SLC37A3: variants seen among roughly 807,000 people sequenced by gnomAD.
The protein encoded by SLC37A3 is sugar phosphate exchanger 3.
In SLC37A3, 51 loss-of-function variants were observed where a neutral mutation model predicts 67.1. The ratio of observed to expected loss-of-function variants is 0.76; its 90% CI spans 0.61 to 0.96. The LOEUF is 0.96. Among genes scored for constraint, SLC37A3 ranks in the 40% least tolerant of loss-of-function variants. SLC37A3 has a pLI of 0.00. For synonymous variants in SLC37A3, 214 were observed against 231.4 expected (o/e 0.92, Z 0.68); for missense variants, 508 against 603.0 (o/e 0.84, Z 1.65).
intron 6 of SLC37A3, among the ~76,000 whole-genome samples, chr7:140,358,016 C>A (rs1797104534): frequency 6.6e-6 from 1 of 151,920 alleles, no homozygotes; most frequent in African/African-American, 2.4e-5. Flanking sequence ...GCGAAGGTTG[C>A]AGTGAGCCGA....
Position 140,359,388 on chromosome 7 carries a change from T to A in SLC37A3, c.376-603A>T, listed in dbSNP as rs373735624. ...ATTCCTCATTTTACATGTATTTCCATCTCCTCACCCTCAGACTGTGCATGT... is the reference window on the plus strand; with the variant it reads ...ATTCCTCATTTTACATGTATTTCCAACTCCTCACCCTCAGACTGTGCATGT... On this transcript the variant is annotated intron_variant, in intron 5 of 14. Coordinates refer to ENST00000326232, the MANE Select transcript of SLC37A3 (RefSeq NM_207113.3). Among the ~76,000 whole-genome samples the A allele has an allele frequency of 2.0e-5, 3 of 151,010 alleles. No homozygotes were observed. The East Asian group carries it at 5.8e-4, about 29-fold the overall frequency.
Position 140,345,990 on chromosome 7 carries a change from CAATCAA to C in SLC37A3, c.1025-26_1025-21del. 1 of 1,577,334 alleles carries C rather than the reference CAATCAA, an allele frequency of 6.3e-7. No homozygotes were observed. The highest frequency in any genetic ancestry group is 8.7e-7 in the Non-Finnish European group (1 of 1,146,960). On this transcript the variant is annotated intron_variant, in intron 10 of 14. Coordinates refer to ENST00000326232, the MANE Select transcript of SLC37A3 (RefSeq NM_207113.3). Reference sequence around the variant, plus strand: ...TTCCACCTTCAAGCAGAGTGTCGAGCAATCAAAATCACTTCTAATTTAGCTCGCTCA... The same window carrying C: ...TTCCACCTTCAAGCAGAGTGTCGAGCAATCACTTCTAATTTAGCTCGCTCA...
intron 12 of SLC37A3, 40 bp downstream of exon 12, chr7:140,345,176 G>C: frequency 6.4e-7 from 1 of 1,572,722 alleles, no homozygotes; most frequent in Non-Finnish European, 8.7e-7. Context: ...TGAATTTACA[G>C]AGCAACAGAA....
intron 4 of SLC37A3, among the ~76,000 whole-genome samples, chr7:140,368,703 A>T (rs1797703383): frequency 6.6e-6 from 1 of 152,210 alleles, no homozygotes. Flanking sequence ...TGGGCAGCAG[A>T]GGTCAAATGT....
intron 5 of SLC37A3, among the ~76,000 whole-genome samples, chr7:140,361,498 C>CCCTCTCCCTCTCCCTCTCCCTCT (rs1563027180): frequency 1.4e-5 from 1 of 71,116 alleles, no homozygotes; most frequent in Admixed American, 1.6e-4. Flanking sequence ...CCTCTCCCTC[C>CCCTCTCCCTCTCCCTCTCCCTCT]CCCTCCCCCT....
chr7:140,367,226 C>T (rs1461371433), intron 4 of SLC37A3, among the ~76,000 whole-genome samples: 1 of 151,908 alleles, frequency 6.6e-6, no homozygotes, highest in East Asian at 1.9e-4. Flanking sequence ...CAACTGAGGA[C>T]AGGAGTTTGA....
intron 9 of SLC37A3, among the ~76,000 whole-genome samples, chr7:140,350,001 A>T (rs924845023): frequency 6.6e-6 from 1 of 152,210 alleles, no homozygotes; most frequent in Non-Finnish European, 1.5e-5. Context: ...ATTCATACTT[A>T]ACTTTGTTGG....
At chr7:140,365,415 C>A (rs1001926394) in intron 4 of SLC37A3, among the ~76,000 whole-genome samples, 1 of 151,540 alleles carries the variant, frequency 6.6e-6, no homozygotes, top group African/African-American at 2.4e-5. Context: ...ATAGCAAGAA[C>A]CCATCTCTAA....
At chr7:140,340,144 T>A (rs959003771) in intron 13 of SLC37A3, among the ~76,000 whole-genome samples, 1 of 152,214 alleles carries the variant, frequency 6.6e-6, no homozygotes, top group Non-Finnish European at 1.5e-5. Context: ...ACTCTTCATG[T>A]GCTTATTGGT....
chr7:140,346,144 C>G (rs988465861), intron 10 of SLC37A3, among the ~76,000 whole-genome samples, 174 bp from the exon 11 acceptor site: 3 of 152,154 alleles, frequency 2.0e-5, no homozygotes, highest in Non-Finnish European at 4.4e-5. Flanking sequence ...CTTTGGGAGG[C>G]TGAGGCAGGT....
intron 5 of SLC37A3, 112 bp downstream of exon 5, chr7:140,364,296 G>A (rs1797509861): frequency 1.0e-6 from 1 of 980,336 alleles, no homozygotes. Context: ...GCAAATGAGG[G>A]ATTCGAACAA....
chr7:140,361,695 C>T (rs1234458082), intron 5 of SLC37A3, among the ~76,000 whole-genome samples: 5 of 148,982 alleles, frequency 3.4e-5, no homozygotes, highest in Admixed American at 6.6e-5. Flanking sequence ...ATTGCAGGCG[C>T]GCGCCGCCAC....
chr7:140,397,031 C>G (rs1203761670), intron 1 of SLC37A3, among the ~76,000 whole-genome samples: 1 of 150,594 alleles, frequency 6.6e-6, no homozygotes, highest in Non-Finnish European at 1.5e-5. Context: ...GAAACCCCGT[C>G]CCTACTAAAA....
At chr7:140,352,305 A>C in intron 7 of SLC37A3, 159 bp from the exon 8 acceptor site, 3 of 631,400 alleles carry the variant, frequency 4.8e-6, no homozygotes, top group Non-Finnish European at 8.3e-6. Flanking sequence ...GCCGGGCGCC[A>C]TGCAAAGTGT....
intron 10 of SLC37A3, 61 bp downstream of exon 10, chr7:140,348,564 AC>A: frequency 6.5e-7 from 1 of 1,530,018 alleles, no homozygotes; most frequent in South Asian, 1.3e-5. Context: ...AGATTTCACA[AC>A]CCAGTAAAAG....
At chr7:140,364,273 T>C in intron 5 of SLC37A3, 135 bp downstream of exon 5, 2 of 785,732 alleles carry the variant, frequency 2.5e-6, no homozygotes. Context: ...AAAAGACTCA[T>C]CTAAGTGAAA....
At chr7:140,376,088 CCA>C (rs386718453) in intron 3 of SLC37A3, among the ~76,000 whole-genome samples, 2 of 104,928 alleles carry the variant, frequency 1.9e-5, no homozygotes, top group Non-Finnish European at 3.7e-5. Context: ...CAAGAAGTTA[CCA>C]AAAACTCCCT....
At chr7:140,343,296 G>A in intron 13 of SLC37A3, 116 bp downstream of exon 13, 6 of 1,437,380 alleles carry the variant, frequency 4.2e-6, no homozygotes, top group Non-Finnish European at 5.8e-6. Context: ...CTTGGGCTCT[G>A]GGAACAGCGT....
intron 13 of SLC37A3, among the ~76,000 whole-genome samples, chr7:140,339,811 A>G (rs111722288): frequency 0.051 from 7,586 of 149,814 alleles, 209 homozygotes; most frequent in Non-Finnish European, 0.071. Flanking sequence ...ATCTCAGCTC[A>G]CTGCAAGCTC....
Sources: gnomAD v4.1 joint callset for allele counts (sites outside exome capture counted in the v4.1 genomes callset) on GRCh38, gnomAD v4.1.1 for gene constraint, MANE v1.5 for transcripts, NCBI Gene and HGNC (gene_info 2026-07-23, HGNC 2026-07-21) for gene names.